ZNF114: variants seen among roughly 807,000 people sequenced by gnomAD.
ZNF114 encodes zinc finger protein 114, also known as zinc finger protein 114 (Y18).
Under a neutral mutation model 6.8 loss-of-function variants are expected in ZNF114, and 8 were observed. The observed-to-expected ratio is 1.18, with a 90% confidence interval of 0.69 to 2.13. ZNF114 has a LOEUF of 2.13. Among genes scored for constraint, ZNF114 ranks in the 30% most tolerant of loss-of-function variants. ZNF114 has a pLI of 0.00. For synonymous variants in ZNF114, 169 were observed against 185.5 expected (o/e 0.91, Z 0.72); for missense variants, 472 against 519.5 (o/e 0.91, Z 0.89).
chr19:48,272,250 A>G (rs1031962362), intron 3 of ZNF114, among the ~76,000 whole-genome samples: 1 of 151,910 alleles, frequency 6.6e-6, no homozygotes, highest in Admixed American at 6.6e-5. Context: ...CATCTCCACT[A>G]AAAATACCAA....
chr19:48,283,530 A>T (rs1377424128), intron 5 of ZNF114, among the ~76,000 whole-genome samples: 2 of 152,122 alleles, frequency 1.3e-5, no homozygotes. Flanking sequence ...CCAGGCATTT[A>T]TGCATCTCAG....
chr19:48,272,850 C>G (rs1416224755), intron 3 of ZNF114, among the ~76,000 whole-genome samples: 5 of 136,870 alleles, frequency 3.7e-5, no homozygotes, highest in African/African-American at 1.4e-4. Context: ...GGCTGGAGCG[C>G]TGTGGCGCGA....
At chr19:48,278,420 T>C (rs1967904611) in intron 3 of ZNF114, among the ~76,000 whole-genome samples, 1 of 152,192 alleles carries the variant, frequency 6.6e-6, no homozygotes, top group Admixed American at 6.5e-5. Flanking sequence ...TCTCTATAGA[T>C]TCGCCTATTC....
At position 48,276,668 on chromosome 19, in the gene ZNF114, C is replaced by T. The variant is rs113245531; in HGVS notation, c.-69-3063C>T. 9.5e-3 allele frequency among the ~76,000 whole-genome samples: 1,454 copies of T among 152,254 alleles called. 36 individuals carry two copies. Among genetic ancestry groups the T allele is most frequent in the African/African-American group, 0.033 (1,387 of 41,540 alleles). On this transcript the variant is annotated intron_variant, in intron 3 of 5. Coordinates refer to ENST00000595607, the MANE Select transcript of ZNF114 (RefSeq NM_153608.4). ...CCTCCTGAGTAGCTGAGACTAGAGG[C>T]GCACGCCAGCGTGCCCACCTAATTT...
At chr19:48,274,482 TTA>T (rs1160853614) in intron 3 of ZNF114, among the ~76,000 whole-genome samples, 62 of 139,738 alleles carry the variant, frequency 4.4e-4, no homozygotes, top group African/African-American at 8.0e-4. Context: ...AAAAAAACTT[TTA>T]TATATATATA....
intron 3 of ZNF114, among the ~76,000 whole-genome samples, chr19:48,276,710 G>A (rs1600838867): frequency 6.6e-6 from 1 of 152,236 alleles, no homozygotes; most frequent in Non-Finnish European, 1.5e-5. Context: ...TTTTTGTAGA[G>A]ATGGGGCCTC....
chr19:48,281,463 T>TTCCCTCTGTTTCCC (rs1967987691), intron 4 of ZNF114: 1 of 151,560 alleles, frequency 6.6e-6, no homozygotes, highest in Non-Finnish European at 1.5e-5. Flanking sequence ...AATGACATTC[T>TTCCCTCTGTTTCCC]TCCCTCTGTT....
At chr19:48,279,838 G>A in intron 4 of ZNF114, 30 bp downstream of exon 4, 1 of 1,613,802 alleles carries the variant, frequency 6.2e-7, no homozygotes, top group South Asian at 1.1e-5. Flanking sequence ...TCTCCCAGAA[G>A]CGTGTTGTCG....
intron 3 of ZNF114, among the ~76,000 whole-genome samples, chr19:48,272,700 T>TAAAAAAAAAAAAAA (rs1555875993): frequency 2.5e-5 from 2 of 79,370 alleles, no homozygotes; most frequent in Non-Finnish European, 2.5e-5. Flanking sequence ...AAAAAAAAAG[T>TAAAAAAAAAAAAAA]ATTGGATTGG....
At chr19:48,274,506 ATTTT>A (rs869126962) in intron 3 of ZNF114, among the ~76,000 whole-genome samples, 27 of 17,162 alleles carry the variant, frequency 1.6e-3, no homozygotes, top group African/African-American at 3.8e-3. Flanking sequence ...ATATATATAT[ATTTT>A]TTTTTTTTTT....
intron 3 of ZNF114, among the ~76,000 whole-genome samples, chr19:48,274,967 G>C (rs1207437863): frequency 7.9e-5 from 12 of 151,744 alleles, no homozygotes. Flanking sequence ...TTGTGTGGTT[G>C]TTCCTTGTGT....
intron 3 of ZNF114, among the ~76,000 whole-genome samples, chr19:48,276,959 A>G (rs1034566698): frequency 3.9e-5 from 6 of 151,934 alleles, no homozygotes; most frequent in African/African-American, 1.5e-4. Flanking sequence ...AGAAGTTGAG[A>G]CAAGCCTGGC....
chr19:48,279,257 G>A (rs1358041118), intron 3 of ZNF114, among the ~76,000 whole-genome samples: 2 of 150,122 alleles, frequency 1.3e-5, no homozygotes, highest in African/African-American at 4.9e-5. Context: ...AAATTAGGAG[G>A]CATGGGGGCC....
chr19:48,270,416 T>A (rs1216135923), intron 1 of ZNF114, among the ~76,000 whole-genome samples, 197 bp downstream of exon 1: 283 of 33,326 alleles, frequency 8.5e-3, no homozygotes, highest in African/African-American at 0.011. Flanking sequence ...AAAAAAAGAA[T>A]AAGAAAAGGA....
In ZNF114 at chr19:48,286,914, T is replaced by C. The variant is rs367828163; in HGVS notation, c.*36T>C. On this transcript the variant is annotated 3_prime_UTR_variant, in exon 6 of 6. Transcript: ENST00000595607. ...GAAAATTTTTCATTAATTTTCTGAC[T>C]GTACCAAACATGTGAGGAGGACATA... 15 of 1,530,980 alleles carry C rather than the reference T, an allele frequency of 9.8e-6. No individual in the cohort carries two copies. The highest frequency in any genetic ancestry group is 1.3e-5 in the Non-Finnish European group (15 of 1,146,346). 94.8% of individuals were successfully genotyped at this position (1,530,980 alleles called of 1,614,324 possible).
intron 4 of ZNF114, among the ~76,000 whole-genome samples, chr19:48,280,246 T>C (rs759657621): frequency 1.3e-5 from 2 of 151,870 alleles, no homozygotes; most frequent in Non-Finnish European, 2.9e-5. Flanking sequence ...TTGCCTGGTG[T>C]GGTGGTGCAC....
chr19:48,279,153 A>T (rs944009512), intron 3 of ZNF114, among the ~76,000 whole-genome samples: 6 of 151,560 alleles, frequency 4.0e-5, no homozygotes, highest in Admixed American at 1.3e-4. Flanking sequence ...TGCAAATTTC[A>T]CCTCGATTAA....
At chr19:48,274,012 C>T (rs911162089) in intron 3 of ZNF114, among the ~76,000 whole-genome samples, 1 of 151,508 alleles carries the variant, frequency 6.6e-6, no homozygotes, top group Non-Finnish European at 1.5e-5. Flanking sequence ...CCACCTCGGC[C>T]TCCCAAGGTG....
chr19:48,281,129 C>T (rs1458775293), intron 4 of ZNF114, among the ~76,000 whole-genome samples: 1 of 151,554 alleles, frequency 6.6e-6, no homozygotes, highest in Non-Finnish European at 1.5e-5. Context: ...GGTGACAGAG[C>T]AAGACCCTGT....
Sources: gnomAD v4.1 joint callset for allele counts (sites outside exome capture counted in the v4.1 genomes callset) on GRCh38, gnomAD v4.1.1 for gene constraint, MANE v1.5 for transcripts, NCBI Gene and HGNC (gene_info 2026-07-23, HGNC 2026-07-21) for gene names.